The following GSN variants were observed in gnomAD, a reference collection of about 807,000 sequenced individuals.
GSN encodes the protein gelsolin.
A neutral mutation model predicts 85.7 loss-of-function variants in GSN; 56 were observed. That is an observed-to-expected ratio of 0.65 (90% CI 0.53 to 0.82). The LOEUF (loss-of-function observed/expected upper bound fraction) is 0.82, where lower values mean the gene tolerates loss of function less well. Ranked by LOEUF, GSN falls within the 40% of genes least tolerant of loss-of-function variation. The pLI is 0.00. For missense variants in GSN, 857 were observed against 979.8 expected, an observed-to-expected ratio of 0.87 and a Z score of 1.67; for synonymous variants, 373 against 399.1, an observed-to-expected ratio of 0.93 and a Z score of 0.78.
chr9:121,323,829 G>A (rs1318636972), intron 11 of GSN, among the ~76,000 whole-genome samples: 1 of 152,018 alleles, frequency 6.6e-6, no homozygotes, highest in Non-Finnish European at 1.5e-5. Flanking sequence ...TTATTTTGTA[G>A]AATGTCTCTC....
chr9:121,282,467 A>T, intron 2 of GSN: 1 of 1,272,556 alleles, frequency 7.9e-7, no homozygotes, highest in Admixed American at 3.7e-5. Context: ...TACAGGACTT[A>T]CGCGTCTGCT....
intron 6 of GSN, among the ~76,000 whole-genome samples, chr9:121,251,706 C>A (rs915602271): frequency 5.9e-5 from 9 of 152,006 alleles, no homozygotes; most frequent in African/African-American, 2.2e-4. Flanking sequence ...CACCTGTAAT[C>A]CCAGCACTTT....
intron 2 of GSN, among the ~76,000 whole-genome samples, chr9:121,298,337 A>G (rs2059409954): frequency 6.6e-6 from 1 of 152,192 alleles, no homozygotes; most frequent in Non-Finnish European, 1.5e-5. Context: ...CTGGGTCACA[A>G]GTCCCTTTCT....
At chr9:121,262,679 G>C (rs973609198) in intron 6 of GSN, among the ~76,000 whole-genome samples, 2 of 152,206 alleles carry the variant, frequency 1.3e-5, no homozygotes, top group Non-Finnish European at 2.9e-5. Flanking sequence ...CATAATTACA[G>C]AATCATAGCT....
In GSN at chr9:121,312,391, C is replaced by A; in HGVS notation, c.566C>A (p.Ala189Asp). The part of the protein sequence containing the change: ...SNSNRYERLK[A>D]TQVSKGIRDN... ...AGCAATCGGTATGAAAGACTGAAGGCCACACAGGTGTCCAAGGGCATCCGG... is the reference window on the plus strand; with the variant it reads ...AGCAATCGGTATGAAAGACTGAAGGACACACAGGTGTCCAAGGGCATCCGG... Residue 189 changes from alanine (A) to aspartate (D), a missense_variant, in exon 6 of 18, where the codon GCC becomes GAC. Coordinates refer to ENST00000432226, the MANE Select transcript of GSN (RefSeq NM_198252.3). 6.2e-7 allele frequency: 1 copy of A among 1,614,058 alleles called. No homozygotes were observed. The highest frequency in any genetic ancestry group is 8.5e-7 in the Non-Finnish European group (1 of 1,179,886).
chr9:121,240,427 G>A (rs1001089103), intron 5 of GSN, among the ~76,000 whole-genome samples: 3 of 152,194 alleles, frequency 2.0e-5, no homozygotes, highest in African/African-American at 7.2e-5. Context: ...CAAAGAAAGA[G>A]AATGTACTGG....
At chr9:121,272,108 G>A (rs1480627112) in intron 1 of GSN, among the ~76,000 whole-genome samples, 2 of 152,172 alleles carry the variant, frequency 1.3e-5, no homozygotes, top group African/African-American at 4.8e-5. Flanking sequence ...CGCTTTCAAC[G>A]GAGTGAGCGT....
chr9:121,303,160 T>A, intron 4 of GSN, 95 bp downstream of exon 4: 1 of 1,194,108 alleles, frequency 8.4e-7, no homozygotes, highest in Non-Finnish European at 1.2e-6. Context: ...TGTGATGCAG[T>A]GGGCAGACCG....
chr9:121,302,892 T>G lies in GSN; in HGVS notation c.197-19T>G. On this transcript the variant is annotated intron_variant, in intron 3 of 17. Transcript: ENST00000432226. ...ATACTTCTGGAAAGCCAGGCTCATA[T>G]TGCTCTGATGTCCCGTAGGCAATGA... is the stretch of plus-strand genomic sequence containing the variant. 1 of 1,612,984 alleles carries G rather than the reference T, an allele frequency of 6.2e-7. No individual in the cohort carries two copies. Among genetic ancestry groups the G allele is most frequent in the Non-Finnish European group, 8.5e-7 (1 of 1,179,860 alleles).
chr9:121,292,163 C>T (rs1291788567), intron 2 of GSN, among the ~76,000 whole-genome samples: 1 of 152,196 alleles, frequency 6.6e-6, no homozygotes, highest in Non-Finnish European at 1.5e-5. Context: ...TCCCAAAGTG[C>T]TGGGATTACA....
intron 5 of GSN, among the ~76,000 whole-genome samples, chr9:121,232,542 T>A (rs2054411536): frequency 6.6e-6 from 1 of 152,188 alleles, no homozygotes; most frequent in African/African-American, 2.4e-5. Context: ...TGCAACCTTT[T>A]TAAAAAATAT....
intron 7 of GSN, 139 bp downstream of exon 7, chr9:121,314,162 A>G: frequency 1.4e-6 from 1 of 727,134 alleles, no homozygotes. Context: ...TCACGTCTCC[A>G]GTGGATGCTC....
chr9:121,231,028 T>C (rs1415836743), intron 4 of GSN: 2 of 152,186 alleles, frequency 1.3e-5, no homozygotes, highest in Non-Finnish European at 2.9e-5. Flanking sequence ...ATCACATTCC[T>C]AACGCTAAAA....
At chr9:121,295,902 A>G (rs1021602415) in intron 2 of GSN, among the ~76,000 whole-genome samples, 1 of 152,238 alleles carries the variant, frequency 6.6e-6, no homozygotes, top group African/African-American at 2.4e-5. Context: ...CTCCAAATCA[A>G]AGAAACCATG....
At chr9:121,242,905 C>T (rs10760162) in intron 5 of GSN, among the ~76,000 whole-genome samples, 4 of 151,920 alleles carry the variant, frequency 2.6e-5, no homozygotes, top group Admixed American at 2.6e-4. Flanking sequence ...TGGGCTTCTG[C>T]GTAAATTTTC....
chr9:121,295,129 A>G (rs1238421605), intron 2 of GSN, among the ~76,000 whole-genome samples: 1 of 152,176 alleles, frequency 6.6e-6, no homozygotes, highest in Non-Finnish European at 1.5e-5. Flanking sequence ...AAGAGTGCTT[A>G]CTTTTGGCGA....
At chr9:121,243,030 C>T (rs2054635403) in intron 5 of GSN, among the ~76,000 whole-genome samples, 1 of 152,290 alleles carries the variant, frequency 6.6e-6, no homozygotes, top group Non-Finnish European at 1.5e-5. Flanking sequence ...TTACCACAAA[C>T]TTGGTAACTT....
intron 5 of GSN, among the ~76,000 whole-genome samples, chr9:121,247,522 C>T (rs2054725035): frequency 6.6e-6 from 1 of 152,226 alleles, no homozygotes; most frequent in Admixed American, 6.5e-5. Flanking sequence ...TCTTCATCTT[C>T]CATTGCAACG....
Position 121,310,766 on chromosome 9 carries a change from G to A in GSN, c.434G>A (p.Arg145His), listed in dbSNP as rs141314418. Reference protein sequence around the residue: ...VQRLFQVKGRRVVRATEVPVS... With the variant: ...VQRLFQVKGRHVVRATEVPVS... ...AGACTCTTCCAGGTCAAAGGGCGGC[G>A]TGTGGTCCGTGCCACCGAGGTACCT... The change falls in exon 5 of 18, where the codon CGT becomes CAT. Residue 145 changes from arginine to histidine, a missense_variant. Physicochemically the swap from Arg to His is conservative, Grantham distance 29. Coordinates refer to ENST00000432226, the MANE Select transcript of GSN (RefSeq NM_198252.3). The A allele has an allele frequency of 7.8e-5, 126 of 1,614,098 alleles. No individual in the cohort carries two copies. In the Middle Eastern group the frequency reaches 8.3e-4, roughly 11 times the overall value.
Sources: allele counts gnomAD v4.1 joint callset (sites outside exome capture counted in the v4.1 genomes callset), GRCh38; gene constraint gnomAD v4.1.1; transcripts MANE v1.5; gene names NCBI Gene and HGNC (gene_info 2026-07-23, HGNC 2026-07-21).